ADAM23: variants seen among roughly 807,000 people sequenced by gnomAD.
ADAM23 encodes disintegrin and metalloproteinase domain-containing protein 23.
In ADAM23, 33 loss-of-function variants were observed where a neutral mutation model predicts 120.1. The observed-to-expected ratio is 0.27, with a 90% CI of 0.21 to 0.37. The LOEUF (loss-of-function observed/expected upper bound fraction) is 0.37, where lower values mean the gene tolerates loss of function less well. ADAM23 is among the 10% of genes least tolerant of loss of function. The pLI is 1.00. For synonymous variants in ADAM23, 367 were observed against 375.2 expected, an observed-to-expected ratio of 0.98 and a Z score of 0.25; for missense variants, 862 against 1,058.2, an observed-to-expected ratio of 0.81 and a Z score of 2.57.
At chr2:206,480,309 T>C (rs1350911532) in intron 2 of ADAM23, among the ~76,000 whole-genome samples, 1 of 150,636 alleles carries the variant, frequency 6.6e-6, no homozygotes, top group Middle Eastern at 3.2e-3. Flanking sequence ...GGGAGGGAGA[T>C]GCCTGGTGTG....
At chr2:206,536,451 TG>T (rs1406266441) in intron 4 of ADAM23, among the ~76,000 whole-genome samples, 2 of 126,748 alleles carry the variant, frequency 1.6e-5, no homozygotes, top group African/African-American at 6.0e-5. Flanking sequence ...AGTGGGGTGG[TG>T]GGTTGGAGAG....
chr2:206,479,134 A>C (rs1218031952), intron 2 of ADAM23, among the ~76,000 whole-genome samples: 1 of 152,246 alleles, frequency 6.6e-6, no homozygotes, highest in Non-Finnish European at 1.5e-5. Context: ...TCTTTGATTA[A>C]ATTCTATTAA....
At chr2:206,520,791 C>T (rs541437716) in intron 3 of ADAM23, among the ~76,000 whole-genome samples, 82 of 152,128 alleles carry the variant, frequency 5.4e-4, no homozygotes, top group African/African-American at 1.7e-3. Context: ...AATAGCCTTC[C>T]AAGTTCTGAG....
intron 6 of ADAM23, among the ~76,000 whole-genome samples, chr2:206,544,138 C>T (rs1031093412): frequency 5.9e-5 from 9 of 152,152 alleles, no homozygotes; most frequent in African/African-American, 2.2e-4. Context: ...AAAAAAACAG[C>T]TTTCATTCTT....
At chr2:206,609,519 C>A (rs1456477013) in intron 24 of ADAM23, among the ~76,000 whole-genome samples, 1 of 152,094 alleles carries the variant, frequency 6.6e-6, no homozygotes, top group Non-Finnish European at 1.5e-5. Flanking sequence ...CTCCATGCCC[C>A]CATTTGTGAG....
rs564586154 is a variant in ADAM23, at chr2:206,548,919, A to G, written c.867+565A>G. On this transcript the variant is annotated intron_variant, in intron 8 of 25. Coordinates refer to ENST00000264377, the MANE Select transcript of ADAM23 (RefSeq NM_003812.4). ...AAATCATGTAATTGTATAATCAACT[A>G]CTGTTATATACTTCACATGTATTGA... is the stretch of plus-strand genomic sequence containing the variant. 9.9e-5 allele frequency among the ~76,000 whole-genome samples: 15 copies of G among 152,266 alleles called. No homozygotes were observed. The South Asian group carries it at 3.1e-3, about 32-fold the overall frequency.
intron 18 of ADAM23, among the ~76,000 whole-genome samples, chr2:206,578,363 C>T (rs1473036259): frequency 6.6e-6 from 1 of 151,718 alleles, no homozygotes; most frequent in Admixed American, 6.6e-5. Flanking sequence ...TCCCCAATTC[C>T]CCCCAAGTCC....
chr2:206,546,137 C>G (rs965649614), intron 6 of ADAM23, among the ~76,000 whole-genome samples: 1 of 152,086 alleles, frequency 6.6e-6, no homozygotes, highest in African/African-American at 2.4e-5. Flanking sequence ...ATGCAAATTG[C>G]CTTCTCTTTG....
intron 18 of ADAM23, among the ~76,000 whole-genome samples, chr2:206,580,195 G>A (rs1353240838): frequency 6.6e-6 from 1 of 152,006 alleles, no homozygotes; most frequent in Non-Finnish European, 1.5e-5. Context: ...TTACTGACTT[G>A]GATGCCCTTT....
intron 2 of ADAM23, among the ~76,000 whole-genome samples, chr2:206,461,993 A>G (rs1176953299): frequency 1.3e-5 from 2 of 152,158 alleles, no homozygotes; most frequent in African/African-American, 4.8e-5. Context: ...GGGGCTAAGG[A>G]ACAGTGGTCA....
intron 12 of ADAM23, 101 bp from the exon 13 acceptor site, chr2:206,562,102 C>T (rs1221496098): frequency 1.0e-6 from 1 of 968,550 alleles, no homozygotes; most frequent in Non-Finnish European, 1.6e-6. Context: ...ACAGGCTCTA[C>T]TTAGGGAACT....
intron 1 of ADAM23, 43 bp downstream of exon 1, chr2:206,444,123 G>A (rs1695024398): frequency 8.0e-7 from 1 of 1,244,170 alleles, no homozygotes. Flanking sequence ...TTCCCGCGGG[G>A]CCCTGCAGAG....
At chr2:206,569,542 C>A (rs1229736414) in intron 15 of ADAM23, among the ~76,000 whole-genome samples, 1 of 152,172 alleles carries the variant, frequency 6.6e-6, no homozygotes, top group East Asian at 1.9e-4. Context: ...GAATCTTCCC[C>A]ACTGCCATGT....
At chr2:206,501,839 A>G (rs1280230795) in intron 3 of ADAM23, among the ~76,000 whole-genome samples, 2 of 152,150 alleles carry the variant, frequency 1.3e-5, no homozygotes, top group Non-Finnish European at 2.9e-5. Context: ...ATACCTACCC[A>G]TTATTAAATA....
At chr2:206,532,023 A>G (rs899098131) in intron 4 of ADAM23, among the ~76,000 whole-genome samples, 4 of 152,166 alleles carry the variant, frequency 2.6e-5, no homozygotes, top group Non-Finnish European at 5.9e-5. Context: ...AAGAACTTTC[A>G]TGTATCATTC....
chr2:206,562,209 C>T lies in ADAM23; in HGVS notation c.1261C>T (p.Leu421Phe). Reference sequence around the variant, plus strand: ...TTTCAACTCTGAAAAACAGTATGGTCTTCCAATGGCAGTGGCACAAGTATT... The same window carrying T: ...TTTCAACTCTGAAAAACAGTATGGTTTTCCAATGGCAGTGGCACAAGTATT... ...TRGVGVNEYG[L>F]PMAVAQVLSQ... The change falls in exon 13 of 26, where the codon CTT (leucine) becomes TTT (phenylalanine). Residue 421 changes from leucine (L) to phenylalanine (F), a missense_variant. Coordinates refer to ENST00000264377, the MANE Select transcript of ADAM23 (RefSeq NM_003812.4). 6.2e-7 allele frequency: 1 copy of T among 1,613,732 alleles called. No individual in the cohort carries two copies. The highest frequency in any genetic ancestry group is 8.5e-7 in the Non-Finnish European group (1 of 1,179,714).
At chr2:206,547,589 A>T (rs1209895984) in intron 7 of ADAM23, 88 bp downstream of exon 7, 3 of 1,157,966 alleles carry the variant, frequency 2.6e-6, no homozygotes, top group East Asian at 5.1e-5. Flanking sequence ...GCTTGTTGGA[A>T]GTGGAATTGG....
chr2:206,511,970 T>C (rs1185302288), intron 3 of ADAM23, among the ~76,000 whole-genome samples: 2 of 152,200 alleles, frequency 1.3e-5, no homozygotes, highest in African/African-American at 2.4e-5. Flanking sequence ...ACAGTGTCAG[T>C]GGCCTTGGAT....
chr2:206,500,747 G>T (rs575609154), intron 3 of ADAM23, among the ~76,000 whole-genome samples: 4 of 152,098 alleles, frequency 2.6e-5, no homozygotes, highest in Non-Finnish European at 5.9e-5. Flanking sequence ...TCCCTGGTTC[G>T]CTGGGAGATA....
Sources: gnomAD v4.1 joint callset for allele counts (sites outside exome capture counted in the v4.1 genomes callset) on GRCh38, gnomAD v4.1.1 for gene constraint, MANE v1.5 for transcripts, NCBI Gene and HGNC (gene_info 2026-07-23, HGNC 2026-07-21) for gene names.